LNPK: variants seen among roughly 807,000 people sequenced by gnomAD.
LNPK encodes the protein endoplasmic reticulum junction formation protein lunapark.
In LNPK, 29 loss-of-function variants were observed where a neutral mutation model predicts 55.2. That is an observed-to-expected ratio of 0.53 (90% CI 0.39 to 0.72). LNPK has a LOEUF of 0.72. LNPK is among the 30% of genes least tolerant of loss of function. The pLI, the probability that LNPK is intolerant of heterozygous loss-of-function variation, is 0.00. For missense variants in LNPK, 467 were observed against 494.8 expected, an observed-to-expected ratio of 0.94 and a Z score of 0.53; for synonymous variants, 162 against 168.2, an observed-to-expected ratio of 0.96 and a Z score of 0.29.
intron 8 of LNPK, 65 bp from the exon 9 acceptor site, chr2:175,947,757 AATTTAT>A: frequency 8.7e-7 from 1 of 1,149,696 alleles, no homozygotes; most frequent in South Asian, 2.0e-5. Flanking sequence ...TATCACAAAC[AATTTAT>A]ATTTATTAAA....
chr2:175,933,729 G>GC (rs1684394244), intron 12 of LNPK, among the ~76,000 whole-genome samples: 1 of 74,734 alleles, frequency 1.3e-5, no homozygotes, highest in African/African-American at 4.4e-5. Context: ...GACAAGTTAA[G>GC]GGTTTTTTTT....
At chr2:175,988,810 G>A (rs1687557355) in intron 4 of LNPK, among the ~76,000 whole-genome samples, 1 of 152,136 alleles carries the variant, frequency 6.6e-6, no homozygotes, top group African/African-American at 2.4e-5. Context: ...TTTTGAGTCT[G>A]TCGCCCAGGC....
intron 5 of LNPK, among the ~76,000 whole-genome samples, chr2:175,974,914 C>T (rs1407766027): frequency 2.0e-5 from 3 of 151,736 alleles, no homozygotes; most frequent in Non-Finnish European, 4.4e-5. Context: ...TTCATAACCA[C>T]GTCCAGATCT....
In LNPK at chr2:175,929,557, G is replaced by T. The variant is rs182446928; in HGVS notation, c.*410C>A. 7 of 993,610 alleles carry T rather than the reference G, an allele frequency of 7.0e-6. No individual in the cohort carries two copies. The highest frequency in any genetic ancestry group is 2.1e-4 in the East Asian group (2 of 9,316). The allele number at this position is 993,610 out of a possible 1,614,324, so 61.5% of individuals were successfully genotyped here. On this transcript the variant is annotated 3_prime_UTR_variant, in exon 13 of 13. Coordinates refer to ENST00000272748, the MANE Select transcript of LNPK (RefSeq NM_030650.3). ...TCTATCAATTTTTAATAATGAAGTA[G>T]TCAAAATCTTAACCAAGTTTCATTC...
rs1391644554 is a variant in LNPK, at chr2:175,939,613, G to A, written c.751C>T (p.Arg251Ter). The stretch of plus-strand genomic sequence containing the variant: ...ATTCTATCCAAAGCACCTCGTTCTC[G>A]GGGGAGAATAGGTCTTGCTAAAGGT... ...GPPLARPILP[R>*]ERGALDRIVE... The change falls in exon 10 of 13, where the codon CGA becomes TGA. Residue 251 changes from arginine (R) to a stop codon, truncating the protein, a stop_gained. Coordinates refer to ENST00000272748, the MANE Select transcript of LNPK (RefSeq NM_030650.3). LOFTEE classifies it high-confidence loss of function. 12 of 1,607,008 alleles carry A rather than the reference G, an allele frequency of 7.5e-6. No individual in the cohort carries two copies. The highest frequency in any genetic ancestry group is 1.7e-5 in the Admixed American group (1 of 59,754).
Position 175,974,560 on chromosome 2 carries a change from T to C in LNPK, c.317-3756A>G, listed in dbSNP as rs116608080. ...TTGAATTTCATATAAATTTTACATG[T>C]CAAAATATTATTCATTTTACTATTG... On this transcript the variant is annotated intron_variant, in intron 5 of 12. Coordinates refer to ENST00000272748, the MANE Select transcript of LNPK (RefSeq NM_030650.3). Among the ~76,000 whole-genome samples the C allele has an allele frequency of 5.7e-3, 862 of 152,308 alleles. 9 individuals are homozygous for C. The highest frequency in any genetic ancestry group is 0.02 in the African/African-American group (811 of 41,562).
chr2:175,941,267 ATATATT>A (rs71004250), intron 9 of LNPK, among the ~76,000 whole-genome samples: 24,437 of 143,896 alleles, frequency 0.17, 2,926 homozygotes, highest in African/African-American at 0.34. Context: ...AAGCAGCCTA[ATATATT>A]TATATTTATA....
intron 8 of LNPK, among the ~76,000 whole-genome samples, chr2:175,959,231 T>G (rs1347296645): frequency 6.6e-6 from 1 of 151,984 alleles, no homozygotes; most frequent in Non-Finnish European, 1.5e-5. Context: ...ACAAAGATAC[T>G]CCTTGACAAG....
intron 12 of LNPK, among the ~76,000 whole-genome samples, chr2:175,930,581 T>C (rs550163281): frequency 6.9e-6 from 1 of 145,822 alleles, no homozygotes; most frequent in African/African-American, 2.5e-5. Context: ...TGTATTAATG[T>C]CCAGATTACA....
intron 1 of LNPK, among the ~76,000 whole-genome samples, chr2:175,996,609 T>C (rs892561730): frequency 6.6e-6 from 1 of 152,184 alleles, no homozygotes; most frequent in African/African-American, 2.4e-5. Context: ...ATTTGCCCAA[T>C]AGCTCAGAAG....
chr2:175,999,695 T>A (rs1470587467), intron 1 of LNPK, among the ~76,000 whole-genome samples: 2 of 152,210 alleles, frequency 1.3e-5, no homozygotes, highest in African/African-American at 4.8e-5. Context: ...TACAGAGTGT[T>A]TCTTTCCACT....
At chr2:175,986,114 G>A (rs538083323) in intron 4 of LNPK, among the ~76,000 whole-genome samples, 10 of 152,066 alleles carry the variant, frequency 6.6e-5, no homozygotes, top group Admixed American at 1.3e-4. Context: ...GAAGAAATAC[G>A]GGGAAAAGCA....
In LNPK at chr2:175,994,305, G is replaced by A. The variant is rs765742965; in HGVS notation, c.28-1082C>T. ...CCTATTATGAAAGACAAAACAAGAA[G>A]AGATAAATTTGATCCTTGGGCAGAT... is the stretch of plus-strand genomic sequence containing the variant. On this transcript the variant is annotated intron_variant, in intron 2 of 12. Coordinates refer to ENST00000272748, the MANE Select transcript of LNPK (RefSeq NM_030650.3). The A allele has an allele frequency of 7.4e-4, 731 of 983,534 alleles. 1 individual carries two copies. Among genetic ancestry groups the A allele is most frequent in the Admixed American group, 1.5e-3 (25 of 16,258 alleles). The allele number at this position is 983,534 out of a possible 1,614,324, so 60.9% of individuals were successfully genotyped here.
rs1340174406 is a variant in LNPK at position 175,964,506 on chromosome 2, C to T, written c.441G>A (p.Lys147=). The T allele has an allele frequency of 6.2e-7, 1 of 1,601,664 alleles. No individual in the cohort carries two copies. The highest frequency in any genetic ancestry group is 8.6e-7 in the Non-Finnish European group (1 of 1,168,880). ...ERFDPDSKKA[K]ECEPPSAGAA... ...AATAGTAGTGATATCACAGTCTTAC[C>T]TTTGCTTTCTTTGAGTCCGGATCAA... The change falls in exon 7 of 13, where the codon AAG becomes AAA. Residue 147 remains lysine, a splice_region_variant and synonymous_variant. Coordinates refer to ENST00000272748, the MANE Select transcript of LNPK (RefSeq NM_030650.3).
At chr2:175,982,338 T>C (rs533195314) in intron 4 of LNPK, among the ~76,000 whole-genome samples, 1 of 152,282 alleles carries the variant, frequency 6.6e-6, no homozygotes, top group East Asian at 1.9e-4. Flanking sequence ...CATATATAAT[T>C]GTCAGTGTAA....
intron 8 of LNPK, among the ~76,000 whole-genome samples, chr2:175,957,417 T>C (rs1685750194): frequency 6.6e-6 from 1 of 151,838 alleles, no homozygotes; most frequent in Admixed American, 6.6e-5. Context: ...TCCCATGTTC[T>C]CAGACTTTCC....
In LNPK at chr2:175,947,577, G is replaced by A; in HGVS notation, c.609C>T (p.Ala203=). ...CAGTCCTTTCTGGGGGTCCACCAGG[G>A]GCAGAACTGTCCTTTGGTGGTCCAG... The part of the protein sequence containing the change: ...VSPGPPKDSS[A]PGGPPERTVT... The change falls in exon 9 of 13, where the codon GCC becomes GCT. Residue 203 remains alanine, a synonymous_variant. Coordinates refer to ENST00000272748, the MANE Select transcript of LNPK (RefSeq NM_030650.3). 1 of 1,614,070 alleles carries A rather than the reference G, an allele frequency of 6.2e-7. No homozygotes were observed. The highest frequency in any genetic ancestry group is 1.1e-5 in the South Asian group (1 of 91,078).
intron 4 of LNPK, among the ~76,000 whole-genome samples, chr2:175,984,041 A>C (rs1687296048): frequency 6.6e-6 from 1 of 152,098 alleles, no homozygotes; most frequent in Non-Finnish European, 1.5e-5. Context: ...ACAATTAATA[A>C]AGGGAAAAAC....
chr2:175,944,335 C>T (rs1685013413), intron 9 of LNPK, among the ~76,000 whole-genome samples: 1 of 151,772 alleles, frequency 6.6e-6, no homozygotes, highest in Non-Finnish European at 1.5e-5. Flanking sequence ...TCATAAGATA[C>T]TAATGGTGAG....
Sources: gnomAD v4.1 joint callset for allele counts (sites outside exome capture counted in the v4.1 genomes callset) on GRCh38, gnomAD v4.1.1 for gene constraint, MANE v1.5 for transcripts, NCBI Gene and HGNC (gene_info 2026-07-23, HGNC 2026-07-21) for gene names.